The following STAU2 variants were observed in gnomAD, a reference collection of about 807,000 sequenced individuals.
STAU2 encodes the protein staufen double-stranded RNA binding protein 2.
STAU2 carries 20 observed loss-of-function variants against 65.9 expected under a neutral mutation model. The ratio of observed to expected loss-of-function variants is 0.30; its 90% CI spans 0.21 to 0.44. The LOEUF is 0.44. Among genes scored for constraint, STAU2 ranks in the 20% least tolerant of loss-of-function variants. STAU2 has a pLI of 1.00. For synonymous variants in STAU2, 232 were observed against 233.9 expected, an observed-to-expected ratio of 0.99 and a Z score of 0.07; for missense variants, 558 against 683.9, an observed-to-expected ratio of 0.82 and a Z score of 2.05.
intron 1 of STAU2, chr8:73,742,320 G>A (rs901197918): frequency 1.3e-6 from 1 of 788,420 alleles, no homozygotes; most frequent in Non-Finnish European, 1.5e-6. Context: ...ATCACCTGAG[G>A]TCAGGAGTTC....
At chr8:73,708,964 T>C in intron 4 of STAU2, 68 bp downstream of exon 4, 2 of 1,397,134 alleles carry the variant, frequency 1.4e-6, no homozygotes, top group Non-Finnish European at 1.9e-6. Context: ...TAAAGCACGA[T>C]TAAAATCTGA....
At chr8:73,491,981 G>GT (rs1271043492) in intron 13 of STAU2, among the ~76,000 whole-genome samples, 1 of 151,810 alleles carries the variant, frequency 6.6e-6, no homozygotes, top group Non-Finnish European at 1.5e-5. Context: ...CTGATTTGGC[G>GT]TGTTTTGATT....
intron 6 of STAU2, among the ~76,000 whole-genome samples, chr8:73,628,610 C>A (rs1332885295): frequency 6.6e-6 from 1 of 152,052 alleles, no homozygotes; most frequent in Non-Finnish European, 1.5e-5. Flanking sequence ...CAAAAGGATT[C>A]ACGAAACGAG....
At chr8:73,731,293 A>AC (rs1384573397) in intron 3 of STAU2, among the ~76,000 whole-genome samples, 6 of 151,558 alleles carry the variant, frequency 4.0e-5, no homozygotes, top group African/African-American at 1.5e-4. Flanking sequence ...GCCAATCCCA[A>AC]CCCCCTTAGC....
chr8:73,737,951 T>C lies in STAU2; in HGVS notation c.-18+333A>G, dbSNP rs74412985. ...ACTTCACAAGATTTGTCACTAAAAATGCTTTGAGTCTGCAGAACTGCCACC... is the reference window on the plus strand; with the variant it reads ...ACTTCACAAGATTTGTCACTAAAAACGCTTTGAGTCTGCAGAACTGCCACC... On this transcript the variant is annotated intron_variant, in intron 3 of 14. Coordinates refer to ENST00000524300, the MANE Select transcript of STAU2 (RefSeq NM_001164380.2). Among the ~76,000 whole-genome samples the C allele has an allele frequency of 6.4e-3, 962 of 149,882 alleles. 6 individuals carry two copies. The highest frequency in any genetic ancestry group is 9.3e-3 in the Admixed American group (139 of 15,006).
At chr8:73,745,723 C>A (rs1289730954) in intron 1 of STAU2, among the ~76,000 whole-genome samples, 5 of 152,212 alleles carry the variant, frequency 3.3e-5, no homozygotes, top group Non-Finnish European at 7.3e-5. Flanking sequence ...CCCTCTCTAT[C>A]TGCTCAAGCA....
chr8:73,621,480 A>G (rs939718190), intron 6 of STAU2, among the ~76,000 whole-genome samples: 1 of 152,210 alleles, frequency 6.6e-6, no homozygotes, highest in Non-Finnish European at 1.5e-5. Flanking sequence ...ATAATAAGTG[A>G]TGTACATATT....
At chr8:73,468,518 A>G (rs1015244292) in intron 13 of STAU2, among the ~76,000 whole-genome samples, 1 of 152,232 alleles carries the variant, frequency 6.6e-6, no homozygotes, top group African/African-American at 2.4e-5. Context: ...GTGAACAGGC[A>G]ACCTACAGAA....
At chr8:73,499,858 T>C (rs1054416604) in intron 13 of STAU2, among the ~76,000 whole-genome samples, 6 of 151,808 alleles carry the variant, frequency 4.0e-5, no homozygotes, top group Admixed American at 6.6e-5. Flanking sequence ...GCATATGGGC[T>C]CTAGACCACG....
intron 13 of STAU2, among the ~76,000 whole-genome samples, chr8:73,544,667 G>C (rs73326794): frequency 0.098 from 14,982 of 152,104 alleles, 1,171 homozygotes; most frequent in East Asian, 0.45. Context: ...CCTTCAGCCA[G>C]AAATGTTCAT....
chr8:73,731,507 A>G (rs1806068058), intron 3 of STAU2, among the ~76,000 whole-genome samples: 1 of 152,174 alleles, frequency 6.6e-6, no homozygotes, highest in African/African-American at 2.4e-5. Flanking sequence ...CTATTCTCTC[A>G]GGGATCACAG....
intron 13 of STAU2, among the ~76,000 whole-genome samples, chr8:73,425,157 A>G (rs2128879121): frequency 6.6e-6 from 1 of 152,206 alleles, no homozygotes; most frequent in South Asian, 2.1e-4. Flanking sequence ...TGAAGTCCTA[A>G]CCCCCAGTAT....
intron 6 of STAU2, 89 bp from the exon 7 acceptor site, chr8:73,617,540 T>C (rs1812917614): frequency 8.0e-7 from 1 of 1,246,734 alleles, no homozygotes; most frequent in Non-Finnish European, 1.1e-6. Context: ...ATACCAATTA[T>C]ATAATGTGCT....
At chr8:73,685,065 C>G (rs1325693227) in intron 5 of STAU2, among the ~76,000 whole-genome samples, 1 of 152,166 alleles carries the variant, frequency 6.6e-6, no homozygotes, top group Non-Finnish European at 1.5e-5. Flanking sequence ...CTCACAAGAT[C>G]TGATAGTTTT....
intron 1 of STAU2, among the ~76,000 whole-genome samples, chr8:73,741,280 G>A (rs1806849287): frequency 7.5e-6 from 1 of 133,824 alleles, no homozygotes; most frequent in Admixed American, 7.7e-5. Flanking sequence ...ACTCCAGCCT[G>A]GGCGACAGAG....
intron 13 of STAU2, among the ~76,000 whole-genome samples, chr8:73,442,353 C>CAAAAAAAAAAA (rs10606663): frequency 3.0e-5 from 3 of 100,160 alleles, no homozygotes; most frequent in African/African-American, 3.6e-5. Flanking sequence ...GACTCCGTCT[C>CAAAAAAAAAAA]AAAAAAAAAA....
intron 1 of STAU2, among the ~76,000 whole-genome samples, chr8:73,741,509 C>CT (rs1164375714): frequency 4.0e-4 from 58 of 144,952 alleles, no homozygotes; most frequent in East Asian, 8.1e-4. Context: ...AAGTTCTAAC[C>CT]TTTTTTTTTT....
intron 2 of STAU2, 93 bp downstream of exon 2, chr8:73,739,663 T>C: frequency 3.0e-6 from 3 of 1,008,008 alleles, no homozygotes; most frequent in Non-Finnish European, 2.6e-6. Flanking sequence ...TTCTAATTAC[T>C]GTCACATTTC....
chr8:73,566,026 C>A (rs1408427287), intron 12 of STAU2, among the ~76,000 whole-genome samples: 1 of 152,080 alleles, frequency 6.6e-6, no homozygotes, highest in Non-Finnish European at 1.5e-5. Context: ...AAAGTAAAAA[C>A]AACAATAGTA....
Sources: allele counts gnomAD v4.1 joint callset (sites outside exome capture counted in the v4.1 genomes callset), GRCh38; gene constraint gnomAD v4.1.1; transcripts MANE v1.5; gene names NCBI Gene and HGNC (gene_info 2026-07-23, HGNC 2026-07-21).